NIPAL2: variants seen among roughly 807,000 people sequenced by gnomAD.
NIPAL2 encodes the protein NIPA like domain containing 2, also known as NIPA-like protein 2.
Under a neutral mutation model 48.9 loss-of-function variants are expected in NIPAL2, and 43 were observed. That is an observed-to-expected ratio of 0.88 (90% CI 0.69 to 1.13). The LOEUF is 1.13. NIPAL2 is among the 50% of genes most tolerant of loss of function. The pLI is 0.00. For synonymous variants in NIPAL2, 167 were observed against 174.6 expected, an observed-to-expected ratio of 0.96 and a Z score of 0.34; for missense variants, 446 against 461.4, an observed-to-expected ratio of 0.97 and a Z score of 0.31.
chr8:98,276,133 T>C (rs1815444061), intron 1 of NIPAL2, among the ~76,000 whole-genome samples: 1 of 152,188 alleles, frequency 6.6e-6, no homozygotes, highest in African/African-American at 2.4e-5. Flanking sequence ...TAGGGTTCAC[T>C]GTTAGTTTTT....
intron 8 of NIPAL2, among the ~76,000 whole-genome samples, chr8:98,197,210 C>T (rs1410942741): frequency 6.6e-6 from 1 of 151,916 alleles, no homozygotes; most frequent in Non-Finnish European, 1.5e-5. Context: ...TAAAGCAAGT[C>T]ACACTAAATT....
At chr8:98,228,525 T>C (rs889927799) in intron 4 of NIPAL2, among the ~76,000 whole-genome samples, 1 of 152,088 alleles carries the variant, frequency 6.6e-6, no homozygotes, top group African/African-American at 2.4e-5. Context: ...AGTTTCCTCA[T>C]CTCTAGGTAC....
chr8:98,236,421 G>A (rs1475541460), intron 3 of NIPAL2, among the ~76,000 whole-genome samples: 1 of 152,154 alleles, frequency 6.6e-6, no homozygotes, highest in Non-Finnish European at 1.5e-5. Context: ...AATGGATGTG[G>A]CTGAGACAGT....
chr8:98,217,790 T>C (rs1003840602), intron 5 of NIPAL2, among the ~76,000 whole-genome samples: 4 of 152,242 alleles, frequency 2.6e-5, no homozygotes, highest in Non-Finnish European at 5.9e-5. Flanking sequence ...ATACCTGAAA[T>C]TATTTACATT....
At chr8:98,236,081 T>C in intron 4 of NIPAL2, 74 bp downstream of exon 4, 1 of 1,081,208 alleles carries the variant, frequency 9.2e-7, no homozygotes, top group South Asian at 1.4e-5. Context: ...TTATCGCACA[T>C]ATTTTTTATG....
At chr8:98,243,022 G>T (rs927810258) in intron 3 of NIPAL2, among the ~76,000 whole-genome samples, 5 of 152,170 alleles carry the variant, frequency 3.3e-5, no homozygotes, top group Non-Finnish European at 7.3e-5. Context: ...AGTCATGGGG[G>T]GCAGGGCGGA....
At chr8:98,293,852 G>C (rs967825241) in intron 1 of NIPAL2, 151 bp downstream of exon 1, 4 of 725,822 alleles carry the variant, frequency 5.5e-6, no homozygotes, top group Non-Finnish European at 7.8e-6. Context: ...AGGTCAATGC[G>C]GGAAACATTG....
intron 1 of NIPAL2, among the ~76,000 whole-genome samples, 193 bp downstream of exon 1, chr8:98,293,810 C>A (rs1030009094): frequency 2.0e-5 from 3 of 152,166 alleles, no homozygotes; most frequent in Non-Finnish European, 4.4e-5. Context: ...GAAGACTGGG[C>A]GGACCCCCGC....
rs1491319235 is a variant in NIPAL2 at position 98,242,489 on chromosome 8, T to TTTTTTG, written c.377-6276_377-6275insCAAAAA. Among the ~76,000 whole-genome samples, 7 of 14,080 alleles carry TTTTTTG rather than the reference T, an allele frequency of 5.0e-4. 1 individual carries two copies. The highest frequency in any genetic ancestry group is 1.2e-3 in the Non-Finnish European group (4 of 3,478). 9.2% of individuals were successfully genotyped at this position (14,080 alleles called of 152,430 possible). On this transcript the variant is annotated intron_variant, in intron 3 of 10. Coordinates refer to ENST00000430223, the MANE Select transcript of NIPAL2 (RefSeq NM_001321635.2). ...GGCAAAAGCCACTGCACCTGACAGA[T>TTTTTTG]TTTTTTTTTTTTTTTTTTAACTGAG...
chr8:98,194,318 T>C (rs1432321810), intron 10 of NIPAL2, among the ~76,000 whole-genome samples: 2 of 152,194 alleles, frequency 1.3e-5, no homozygotes, highest in Non-Finnish European at 2.9e-5. Context: ...TGAGCCACAG[T>C]GCACAGGCCA....
chr8:98,275,245 C>A (rs1313935936), intron 1 of NIPAL2, among the ~76,000 whole-genome samples: 2 of 152,006 alleles, frequency 1.3e-5, no homozygotes, highest in African/African-American at 4.8e-5. Context: ...CCTTGTATTA[C>A]CCCGTTATAG....
intron 6 of NIPAL2, among the ~76,000 whole-genome samples, chr8:98,205,910 G>A (rs1353056364): frequency 6.6e-6 from 1 of 152,164 alleles, no homozygotes; most frequent in Non-Finnish European, 1.5e-5. Context: ...ATCAATTTAA[G>A]GTTTACATAA....
At position 98,271,600 on chromosome 8, in the gene NIPAL2, T is replaced by C. The variant is rs115836496; in HGVS notation, c.136-17513A>G. 3.2e-3 allele frequency among the ~76,000 whole-genome samples: 490 copies of C among 152,270 alleles called. 1 individual carries two copies. Among genetic ancestry groups the C allele is most frequent in the African/African-American group, 0.011 (457 of 41,566 alleles). ...AGGTCAAGGAGCCTTTTGGCAGAGT[T>C]GTTAGGGTTTTCTAAGTATAGAGTC... On this transcript the variant is annotated intron_variant, in intron 1 of 10. Transcript: ENST00000430223.
chr8:98,191,156 G>A lies in NIPAL2; in HGVS notation c.*1822C>T, dbSNP rs368222338. Reference sequence around the variant, plus strand: ...TGCCTGTGTGAAATTCTACAGTGCTGAAAATCTCATGCACTCTAGCTATGA... The same window carrying A: ...TGCCTGTGTGAAATTCTACAGTGCTAAAAATCTCATGCACTCTAGCTATGA... On this transcript the variant is annotated 3_prime_UTR_variant, in exon 11 of 11. Coordinates refer to ENST00000430223, the MANE Select transcript of NIPAL2 (RefSeq NM_001321635.2). 195 of 152,284 alleles carry A rather than the reference G, an allele frequency of 1.3e-3. No homozygotes were observed. The highest frequency in any genetic ancestry group is 4.5e-3 in the African/African-American group (187 of 41,550). 9.4% of individuals were successfully genotyped at this position (152,284 alleles called of 1,614,324 possible). A position where few individuals can be genotyped will look rare whatever the true frequency, so the allele number is the denominator to read the frequency against.
At chr8:98,205,469 T>C (rs1810984901) in intron 6 of NIPAL2, among the ~76,000 whole-genome samples, 1 of 151,256 alleles carries the variant, frequency 6.6e-6, no homozygotes. Flanking sequence ...ATCTGCTGTG[T>C]GACTGTGTGT....
intron 3 of NIPAL2, 154 bp downstream of exon 3, chr8:98,252,309 C>A: frequency 2.8e-6 from 2 of 705,716 alleles, no homozygotes; most frequent in Admixed American, 6.9e-5. Context: ...GACAATGGAT[C>A]GCTGAAATTA....
At chr8:98,195,904 A>G in intron 9 of NIPAL2, 38 bp downstream of exon 9, 2 of 1,417,712 alleles carry the variant, frequency 1.4e-6, no homozygotes, top group South Asian at 1.2e-5. Flanking sequence ...TAAAAGTAAT[A>G]GAATTTCACA....
At chr8:98,227,341 C>T (rs1812226040) in intron 4 of NIPAL2, among the ~76,000 whole-genome samples, 1 of 152,130 alleles carries the variant, frequency 6.6e-6, no homozygotes, top group Non-Finnish European at 1.5e-5. Flanking sequence ...CCATAGCCAC[C>T]ACAGCTGTGA....
intron 3 of NIPAL2, among the ~76,000 whole-genome samples, chr8:98,239,789 C>T (rs1159156161): frequency 6.6e-6 from 1 of 152,142 alleles, no homozygotes; most frequent in Non-Finnish European, 1.5e-5. Context: ...TTACTTTCAA[C>T]TCATTTATCT....
Sources: gnomAD v4.1 joint callset for allele counts (sites outside exome capture counted in the v4.1 genomes callset) on GRCh38, gnomAD v4.1.1 for gene constraint, MANE v1.5 for transcripts, NCBI Gene and HGNC (gene_info 2026-07-23, HGNC 2026-07-21) for gene names.